The following ATP8A2 variants were observed in gnomAD, a reference collection of about 807,000 sequenced individuals.
The protein encoded by ATP8A2 is ATPase phospholipid transporting 8A2.
ATP8A2 carries 100 observed loss-of-function variants against 165.6 expected under a neutral mutation model. The ratio of observed to expected loss-of-function variants is 0.60; its 90% CI spans 0.51 to 0.71. The LOEUF (loss-of-function observed/expected upper bound fraction) is 0.71. ATP8A2 is among the 30% of genes least tolerant of loss of function. The pLI is 0.00. For missense variants in ATP8A2, 1,227 were observed against 1,479.5 expected (o/e 0.83, Z 2.80); for synonymous variants, 543 against 548.8 (o/e 0.99, Z 0.15).
intron 1 of ATP8A2, among the ~76,000 whole-genome samples, chr13:25,451,363 G>C (rs967805194): frequency 6.6e-6 from 1 of 152,158 alleles, no homozygotes; most frequent in Non-Finnish European, 1.5e-5. Context: ...GCTAGAAAGA[G>C]AGTGCGATCC....
At chr13:25,476,383 T>G (rs2035996676) in intron 2 of ATP8A2, among the ~76,000 whole-genome samples, 1 of 151,456 alleles carries the variant, frequency 6.6e-6, no homozygotes, top group Non-Finnish European at 1.5e-5. Context: ...GCCTCCTGGG[T>G]TCAAGCGATT....
chr13:25,409,831 T>C (rs1011349971), intron 1 of ATP8A2, among the ~76,000 whole-genome samples: 1 of 152,006 alleles, frequency 6.6e-6, no homozygotes, highest in Admixed American at 6.6e-5. Flanking sequence ...CTGACTCCCA[T>C]CAGCCATTAG....
chr13:25,374,733 G>C (rs1314358720), intron 1 of ATP8A2, among the ~76,000 whole-genome samples: 1 of 152,114 alleles, frequency 6.6e-6, no homozygotes. Flanking sequence ...TAGGGTATTT[G>C]CATAATGTAT....
intron 25 of ATP8A2, among the ~76,000 whole-genome samples, chr13:25,768,255 A>T (rs2044538166): frequency 6.6e-6 from 1 of 152,266 alleles, no homozygotes; most frequent in South Asian, 2.1e-4. Flanking sequence ...GCACTTCATT[A>T]TCATGAATAC....
At chr13:25,644,500 G>A (rs1445338747) in intron 24 of ATP8A2, among the ~76,000 whole-genome samples, 1 of 136,688 alleles carries the variant, frequency 7.3e-6, no homozygotes, top group Non-Finnish European at 1.5e-5. Context: ...TGTTCATCAA[G>A]GATATTGGCT....
At chr13:25,578,588 T>C (rs563034886) in intron 20 of ATP8A2, among the ~76,000 whole-genome samples, 1 of 152,362 alleles carries the variant, frequency 6.6e-6, no homozygotes, top group Non-Finnish European at 1.5e-5. Context: ...CTCCCCAGCA[T>C]ATTTTTGTTT....
Position 25,775,000 on chromosome 13 carries a change from T to C in ATP8A2, c.2679+41T>C, listed in dbSNP as rs2044710386. ...TTTTTTCCTTGAAGAGAAAGTTCTT[T>C]TAAGAGGATATCTTGAGGTATTTAA... is the stretch of plus-strand genomic sequence containing the variant. On this transcript the variant is annotated intron_variant, in intron 27 of 36. Coordinates refer to ENST00000381655, the MANE Select transcript of ATP8A2 (RefSeq NM_016529.6). The C allele has an allele frequency of 2.5e-5, 29 of 1,145,530 alleles. 1 individual carries two copies. The highest frequency in any genetic ancestry group is 3.8e-5 in the Non-Finnish European group (29 of 766,852). The allele number at this position is 1,145,530 out of a possible 1,614,324, so 71.0% of individuals were successfully genotyped here.
intron 17 of ATP8A2, among the ~76,000 whole-genome samples, 198 bp downstream of exon 17, chr13:25,571,070 C>CT (rs987124228): frequency 3.9e-5 from 6 of 152,192 alleles, no homozygotes; most frequent in African/African-American, 1.4e-4. Flanking sequence ...TCTCATGACT[C>CT]TTTTTTAACA....
At chr13:25,601,394 G>A (rs1170421579) in intron 24 of ATP8A2, among the ~76,000 whole-genome samples, 1 of 152,242 alleles carries the variant, frequency 6.6e-6, no homozygotes, top group Non-Finnish European at 1.5e-5. Flanking sequence ...GGGATATGAT[G>A]AAGGCTTTTT....
Position 25,768,344 on chromosome 13 carries a change from A to G in ATP8A2, c.2385-702A>G, listed in dbSNP as rs377235134. ...GAGGACTTAGGAAAGCTTGGCCGCC[A>G]TCTTGGATTCCTTGTGGAAAGAACC... On this transcript the variant is annotated intron_variant, in intron 25 of 36. Transcript: ENST00000381655. 1.2e-4 allele frequency among the ~76,000 whole-genome samples: 19 copies of G among 152,204 alleles called. 1 individual carries two copies. In the South Asian group the frequency reaches 3.1e-3, roughly 25 times the overall value.
chr13:25,832,828 G>A (rs1217461331), intron 28 of ATP8A2, among the ~76,000 whole-genome samples: 1 of 152,136 alleles, frequency 6.6e-6, no homozygotes, highest in Non-Finnish European at 1.5e-5. Flanking sequence ...TTGTTTTCAT[G>A]TTTTCGGCAA....
intron 33 of ATP8A2, among the ~76,000 whole-genome samples, chr13:25,883,072 A>G (rs1953033575): frequency 6.6e-6 from 1 of 152,106 alleles, no homozygotes; most frequent in Non-Finnish European, 1.5e-5. Flanking sequence ...AGTCCTAGTG[A>G]AGTTAACAGC....
rs1338013082 is a variant in ATP8A2, at chr13:25,750,759, C to T, written c.2385-18287C>T. Among the ~76,000 whole-genome samples the T allele has an allele frequency of 6.6e-6, 1 of 152,022 alleles. No homozygotes were observed. The highest frequency in any genetic ancestry group is 1.5e-5 in the Non-Finnish European group (1 of 68,028). ...GCTTGCGAAGAAAAGTCCTCTTCTG[C>T]TCGATGTATACAAAACTTCTGTTTT... On this transcript the variant is annotated intron_variant, in intron 25 of 36. Transcript: ENST00000381655. The surrounding 1 kb of genome is among the most constrained non-coding windows in gnomAD (Gnocchi z 4.3).
intron 1 of ATP8A2, among the ~76,000 whole-genome samples, chr13:25,386,955 C>CCA: frequency 8.3e-6 from 1 of 121,096 alleles, no homozygotes; most frequent in Admixed American, 8.3e-5. Flanking sequence ...CGAGATCGCG[C>CCA]CCTTGCACTC....
intron 13 of ATP8A2, among the ~76,000 whole-genome samples, chr13:25,558,555 G>A (rs186143760): frequency 7.2e-5 from 11 of 152,176 alleles, no homozygotes; most frequent in African/African-American, 2.4e-4. Context: ...ATCTCTGGAA[G>A]GTATCTAGCA....
chr13:25,678,273 G>T (rs1326152812), intron 24 of ATP8A2, among the ~76,000 whole-genome samples: 3 of 152,164 alleles, frequency 2.0e-5, no homozygotes, highest in Non-Finnish European at 2.9e-5. Context: ...AGAGTTCTGT[G>T]TCTCAGGCGG....
Position 25,373,702 on chromosome 13 carries a change from C to T in ATP8A2, c.76+1414C>T, listed in dbSNP as rs569255363. ...ACCCCTTGCTGAGATGGGGAAACTG[C>T]GGAGGACCAGGGTTCTCTTTTGCGG... On this transcript the variant is annotated intron_variant, in intron 1 of 36. Transcript: ENST00000381655. Among the ~76,000 whole-genome samples, 2 of 152,128 alleles carry T rather than the reference C, an allele frequency of 1.3e-5. 1 individual carries two copies. Among genetic ancestry groups the T allele is most frequent in the South Asian group, 4.1e-4 (2 of 4,826 alleles).
intron 33 of ATP8A2, 128 bp downstream of exon 33, chr13:25,862,536 T>C (rs994791167): frequency 1.4e-6 from 1 of 692,386 alleles, no homozygotes. Flanking sequence ...TCCTTCCTGC[T>C]TCCATCAGAA....
chr13:25,855,014 G>T (rs1471955302), intron 30 of ATP8A2, among the ~76,000 whole-genome samples: 2 of 152,250 alleles, frequency 1.3e-5, no homozygotes, highest in South Asian at 4.1e-4. Context: ...ACTTTGGGAG[G>T]CTAAGGCAGG....
Sources: allele counts gnomAD v4.1 joint callset (sites outside exome capture counted in the v4.1 genomes callset), GRCh38; gene constraint gnomAD v4.1.1; non-coding constraint Gnocchi (gnomAD v3.1); transcripts MANE v1.5; gene names NCBI Gene and HGNC (gene_info 2026-07-23, HGNC 2026-07-21).